The following RAB3GAP2 variants were observed in gnomAD, a reference collection of about 807,000 sequenced individuals.
RAB3GAP2 encodes the protein rab3 GTPase-activating protein non-catalytic subunit.
Under a neutral mutation model 185.3 loss-of-function variants are expected in RAB3GAP2, and 87 were observed. That is an observed-to-expected ratio of 0.47 (90% CI 0.39 to 0.56). The LOEUF (loss-of-function observed/expected upper bound fraction) is 0.56, where lower values mean the gene tolerates loss of function less well. Ranked by LOEUF, RAB3GAP2 falls within the 20% of genes least tolerant of loss-of-function variation. The probability of loss-of-function intolerance (pLI) is 0.00; values close to 1 mark genes in which losing one functional copy is unlikely to be tolerated. For missense variants in RAB3GAP2, 1,492 were observed against 1,638.2 expected (o/e 0.91, Z 1.54); for synonymous variants, 554 against 576.1 (o/e 0.96, Z 0.55).
intron 27 of RAB3GAP2, among the ~76,000 whole-genome samples, chr1:220,164,451 T>G (rs559202788): frequency 5.3e-5 from 8 of 150,564 alleles, no homozygotes; most frequent in African/African-American, 1.2e-4. Context: ...TACTGTTTTT[T>G]TTTTGTTTTG....
At chr1:220,233,709 T>G (rs944379661) in intron 1 of RAB3GAP2, among the ~76,000 whole-genome samples, 15 of 148,988 alleles carry the variant, frequency 1.0e-4, no homozygotes, top group African/African-American at 1.5e-4. Flanking sequence ...AGTGTATGTG[T>G]TTTTTTTTTG....
At chr1:220,236,949 C>G (rs1042002809) in intron 1 of RAB3GAP2, among the ~76,000 whole-genome samples, 3 of 152,148 alleles carry the variant, frequency 2.0e-5, no homozygotes, top group Non-Finnish European at 4.4e-5. Context: ...ACAAACTCTA[C>G]GTCATCATGA....
At chr1:220,272,101 C>G in intron 1 of RAB3GAP2, 122 bp downstream of exon 1, 1 of 839,634 alleles carries the variant, frequency 1.2e-6, no homozygotes, top group South Asian at 1.4e-5. Flanking sequence ...AGGGGAGGCA[C>G]GGGGAGAACT....
At chr1:220,202,035 C>T (rs1411859394) in intron 9 of RAB3GAP2, among the ~76,000 whole-genome samples, 1 of 151,922 alleles carries the variant, frequency 6.6e-6, no homozygotes, top group Non-Finnish European at 1.5e-5. Flanking sequence ...CGGGGTGGCG[C>T]ATGCTTGTAA....
At chr1:220,171,742 G>T in intron 23 of RAB3GAP2, 147 bp downstream of exon 23, 1 of 834,912 alleles carries the variant, frequency 1.2e-6, no homozygotes, top group Non-Finnish European at 1.9e-6. Flanking sequence ...AAGTATCCAC[G>T]GCATCATTCT....
At chr1:220,257,919 T>C (rs1046319328) in intron 1 of RAB3GAP2, among the ~76,000 whole-genome samples, 1 of 151,948 alleles carries the variant, frequency 6.6e-6, no homozygotes, top group East Asian at 1.9e-4. Context: ...CCCACAGAAA[T>C]ACAAACAACC....
intron 1 of RAB3GAP2, among the ~76,000 whole-genome samples, chr1:220,246,266 A>G (rs1298940790): frequency 6.6e-6 from 1 of 152,128 alleles, no homozygotes; most frequent in Non-Finnish European, 1.5e-5. Flanking sequence ...AAAAGTCAGG[A>G]AACAACAGGT....
rs889687345 is a variant in RAB3GAP2, at chr1:220,158,336, A to T, written c.3262-460T>A. On this transcript the variant is annotated intron_variant, in intron 29 of 34. Coordinates refer to ENST00000358951, the MANE Select transcript of RAB3GAP2 (RefSeq NM_012414.4). The surrounding 1 kb of genome is among the most constrained non-coding windows in gnomAD (Gnocchi z 4.3). ...ACCCGACCCTCTGAGCAAAACTAGAATCCTCAAGCTTGAGAACTAAATACC... is the reference window on the plus strand; with the variant it reads ...ACCCGACCCTCTGAGCAAAACTAGATTCCTCAAGCTTGAGAACTAAATACC... Among the ~76,000 whole-genome samples the T allele has an allele frequency of 6.6e-6, 1 of 152,170 alleles. No individual in the cohort carries two copies. Among genetic ancestry groups the T allele is most frequent in the Admixed American group, 6.5e-5 (1 of 15,276 alleles).
At chr1:220,209,046 C>G (rs891538802) in intron 7 of RAB3GAP2, among the ~76,000 whole-genome samples, 5 of 152,124 alleles carry the variant, frequency 3.3e-5, no homozygotes, top group African/African-American at 1.2e-4. Context: ...AGTCCTTTCT[C>G]TCTTCCCATA....
intron 1 of RAB3GAP2, among the ~76,000 whole-genome samples, chr1:220,247,898 C>T (rs974599021): frequency 1.3e-5 from 2 of 150,154 alleles, no homozygotes; most frequent in Non-Finnish European, 3.0e-5. Flanking sequence ...AGATCTTAGA[C>T]AAATGAAAAA....
intron 26 of RAB3GAP2, among the ~76,000 whole-genome samples, chr1:220,167,034 T>A (rs554066748): frequency 4.6e-5 from 7 of 152,224 alleles, no homozygotes; most frequent in Non-Finnish European, 1.0e-4. Context: ...GCTGTGTGTC[T>A]GCAGGGAAGA....
At chr1:220,199,480 A>C (rs1041587937) in intron 9 of RAB3GAP2, among the ~76,000 whole-genome samples, 4 of 152,174 alleles carry the variant, frequency 2.6e-5, no homozygotes, top group Non-Finnish European at 5.9e-5. Flanking sequence ...TGTCAAATCC[A>C]ATGGACCTTC....
chr1:220,245,440 G>A (rs1052024142), intron 1 of RAB3GAP2, among the ~76,000 whole-genome samples: 10 of 152,218 alleles, frequency 6.6e-5, no homozygotes, highest in Admixed American at 2.0e-4. Flanking sequence ...ACTCCCACCC[G>A]AATATTGCGC....
chr1:220,172,272 T>C (rs891301779), intron 22 of RAB3GAP2, among the ~76,000 whole-genome samples: 5 of 152,180 alleles, frequency 3.3e-5, no homozygotes, highest in Non-Finnish European at 5.9e-5. Flanking sequence ...AAATCCTTAT[T>C]TGGAATATTT....
Position 220,148,834 on chromosome 1 carries a change from T to TAAAC in RAB3GAP2, c.*2413_*2416dup, listed in dbSNP as rs1294789767. The TAAAC allele has an allele frequency of 1.3e-5, 2 of 152,216 alleles. No individual in the cohort carries two copies. Among genetic ancestry groups the TAAAC allele is most frequent in the African/African-American group, 2.4e-5 (1 of 41,472 alleles). The allele number at this position is 152,216 out of a possible 1,614,324, so 9.4% of individuals were successfully genotyped here. On this transcript the variant is annotated 3_prime_UTR_variant, in exon 35 of 35. Coordinates refer to ENST00000358951, the MANE Select transcript of RAB3GAP2 (RefSeq NM_012414.4). ...ACCCTGGCCCCTCTAGTTCTGCATC[T>TAAAC]AAACAGAACCTGTAATGTAGAAGTT...
chr1:220,157,930 C>T (rs1215154978), intron 29 of RAB3GAP2, 54 bp from the exon 30 acceptor site: 3 of 1,364,050 alleles, frequency 2.2e-6, no homozygotes, highest in East Asian at 2.3e-5. Context: ...GCTATAGTTA[C>T]TGTCAGCCAA....
chr1:220,167,380 A>G lies in RAB3GAP2; in HGVS notation c.3000T>C (p.Tyr1000=). 1 of 1,614,200 alleles carries G rather than the reference A, an allele frequency of 6.2e-7. No homozygotes were observed. The highest frequency in any genetic ancestry group is 8.5e-7 in the Non-Finnish European group (1 of 1,180,006). Residue 1000 remains tyrosine, a synonymous_variant, in exon 26 of 35, where the codon TAT becomes TAC. Transcript: ENST00000358951. ...GAIPDLLHLA[Y]EQFPCSLELD... ...GCTCAAGGCTACAAGGAAACTGCTC[A>G]TAGGCTAAATGCAGTAAGTCTGAAA...
At chr1:220,242,252 T>A (rs1404376161) in intron 1 of RAB3GAP2, among the ~76,000 whole-genome samples, 1 of 152,200 alleles carries the variant, frequency 6.6e-6, no homozygotes, top group African/African-American at 2.4e-5. Flanking sequence ...ATAGTTAGCA[T>A]TCCTAAAACA....
intron 21 of RAB3GAP2, among the ~76,000 whole-genome samples, chr1:220,181,886 C>A (rs549049590): frequency 5.8e-4 from 88 of 151,054 alleles, no homozygotes; most frequent in African/African-American, 2.1e-3. Flanking sequence ...CCCATCTCCA[C>A]AAAAGTAAAA....
Sources: gnomAD v4.1 joint callset for allele counts (sites outside exome capture counted in the v4.1 genomes callset) on GRCh38, gnomAD v4.1.1 for gene constraint, Gnocchi (gnomAD v3.1) non-coding constraint, MANE v1.5 for transcripts, NCBI Gene and HGNC (gene_info 2026-07-23, HGNC 2026-07-21) for gene names.